Variants in PRKN observed in about 807,000 individuals in gnomAD.
PRKN encodes parkin RBR E3 ubiquitin protein ligase.
PRKN carries 56 observed loss-of-function variants against 59.5 expected under a neutral mutation model. That is an observed-to-expected ratio of 0.94 (90% CI 0.76 to 1.18). The LOEUF (loss-of-function observed/expected upper bound fraction) is 1.18, where lower values mean the gene tolerates loss of function less well. Among genes scored for constraint, PRKN ranks in the 50% most tolerant of loss-of-function variants. The pLI, the probability that PRKN is intolerant of heterozygous loss-of-function variation, is 0.00. For missense variants in PRKN, 657 were observed against 596.4 expected (o/e 1.10, Z -1.06); for synonymous variants, 250 against 222.1 (o/e 1.13, Z -1.12).
In PRKN at chr6:161,575,364, C is replaced by CACTGACAGCT. The variant is rs1395426028; in HGVS notation, c.872-5949_872-5948insAGCTGTCAGT. Among the ~76,000 whole-genome samples, 1 of 152,114 alleles carries CACTGACAGCT rather than the reference C, an allele frequency of 6.6e-6. No homozygotes were observed. The highest frequency in any genetic ancestry group is 1.5e-5 in the Non-Finnish European group (1 of 68,018). On this transcript the variant is annotated intron_variant, in intron 7 of 11. Transcript: ENST00000366898. This position sits in a 1 kb window ranked among gnomAD's most constrained non-coding sequence, Gnocchi z 4.6. ...GCGTCACAAAGTTGTGTAGCATTTCCACAAAGTCACTGACAGCTACTGAGA... is the reference window on the plus strand; with the variant it reads ...GCGTCACAAAGTTGTGTAGCATTTCCACTGACAGCTACAAAGTCACTGACAGCTACTGAGA...
In PRKN at chr6:162,513,324, C is replaced by T. The variant is rs182211184; in HGVS notation, c.8-69851G>A. Among the ~76,000 whole-genome samples the T allele has an allele frequency of 9.8e-3, 1,489 of 151,954 alleles. 66 individuals carry two copies. Among genetic ancestry groups the T allele is most frequent in the Admixed American group, 0.076 (1,154 of 15,234 alleles). ...TAAAACTTCACCTCTACTAAAAATA[C>T]AAAAACTAGCCAGGCATGGTGGTGG... is the stretch of plus-strand genomic sequence containing the variant. On this transcript the variant is annotated intron_variant, in intron 1 of 11. Coordinates refer to ENST00000366898, the MANE Select transcript of PRKN (RefSeq NM_004562.3).
chr6:162,151,641 C>A (rs1782274818), intron 4 of PRKN, among the ~76,000 whole-genome samples: 1 of 152,108 alleles, frequency 6.6e-6, no homozygotes, highest in Non-Finnish European at 1.5e-5. Context: ...TTTCCTTTTC[C>A]AAACACACAG....
At chr6:162,202,428 C>A (rs115936655) in intron 3 of PRKN, among the ~76,000 whole-genome samples, 30 of 152,136 alleles carry the variant, frequency 2.0e-4, no homozygotes, top group African/African-American at 7.0e-4. Context: ...TGAAGCACAA[C>A]AAAGATGTAA....
intron 1 of PRKN, among the ~76,000 whole-genome samples, chr6:162,534,902 C>T (rs771057335): frequency 6.6e-5 from 10 of 152,126 alleles, no homozygotes; most frequent in Non-Finnish European, 1.3e-4. Flanking sequence ...TCTGCCTTGA[C>T]CCCCTGCCTT....
chr6:162,367,091 C>T (rs773366684), intron 2 of PRKN, among the ~76,000 whole-genome samples: 1 of 152,026 alleles, frequency 6.6e-6, no homozygotes, highest in Non-Finnish European at 1.5e-5. Flanking sequence ...AGGCCAGTTA[C>T]CCCCATGCCT....
rs1018620680 is a variant in PRKN, at chr6:162,485,018, C to A, written c.8-41545G>T. ...ATAATCAGGAAAAACAAAGACAAAT[C>A]TCATCAGTAATTATTAATGTGAATG... On this transcript the variant is annotated intron_variant, in intron 1 of 11. Coordinates refer to ENST00000366898, the MANE Select transcript of PRKN (RefSeq NM_004562.3). Among the ~76,000 whole-genome samples the A allele has an allele frequency of 4.6e-5, 7 of 152,200 alleles. No homozygotes were observed. In the East Asian group the frequency reaches 1.3e-3, roughly 29 times the overall value.
intron 1 of PRKN, among the ~76,000 whole-genome samples, chr6:162,634,275 G>C (rs1777626409): frequency 6.6e-6 from 1 of 152,202 alleles, no homozygotes; most frequent in East Asian, 1.9e-4. Context: ...TTTTGGCTCT[G>C]TGGCCTCCTG....
At chr6:162,469,509 TA>T (rs1791618951) in intron 1 of PRKN, among the ~76,000 whole-genome samples, 2 of 148,928 alleles carry the variant, frequency 1.3e-5, no homozygotes, top group Non-Finnish European at 3.0e-5. Flanking sequence ...TGTGTGTGTA[TA>T]CACACACACA....
intron 1 of PRKN, among the ~76,000 whole-genome samples, chr6:162,640,807 C>A (rs563231267): frequency 6.6e-6 from 1 of 152,272 alleles, no homozygotes; most frequent in South Asian, 2.1e-4. Flanking sequence ...TGGTACAGGC[C>A]TTTCCACAGG....
chr6:162,503,955 T>C (rs1793495282), intron 1 of PRKN, among the ~76,000 whole-genome samples: 1 of 151,814 alleles, frequency 6.6e-6, no homozygotes, highest in African/African-American at 2.4e-5. Context: ...AAAGAGCACA[T>C]CAGAATTTTT....
chr6:162,369,869 G>A (rs1024618283), intron 2 of PRKN, among the ~76,000 whole-genome samples: 12 of 152,080 alleles, frequency 7.9e-5, no homozygotes, highest in Admixed American at 4.6e-4. Flanking sequence ...CAACCCTGAA[G>A]GTATCCTGCC....
At chr6:162,053,832 T>C (rs1777748752) in intron 5 of PRKN, among the ~76,000 whole-genome samples, 2 of 152,162 alleles carry the variant, frequency 1.3e-5, no homozygotes, top group Non-Finnish European at 2.9e-5. Flanking sequence ...GGATATAACT[T>C]TGCAATGAGT....
intron 6 of PRKN, among the ~76,000 whole-genome samples, chr6:161,917,383 G>T (rs2128238264): frequency 6.6e-6 from 1 of 152,272 alleles, no homozygotes; most frequent in Admixed American, 6.5e-5. Context: ...TGGGATTACA[G>T]GCATGAGCCA....
chr6:162,656,580 T>C (rs575497137), intron 1 of PRKN, among the ~76,000 whole-genome samples: 94 of 152,364 alleles, frequency 6.2e-4, no homozygotes, highest in Non-Finnish European at 1.2e-3. Context: ...GCACTGTCTC[T>C]GCCATAGCAC....
chr6:161,699,194 A>C (rs1270166945), intron 7 of PRKN, among the ~76,000 whole-genome samples: 2 of 152,100 alleles, frequency 1.3e-5, no homozygotes, highest in Non-Finnish European at 2.9e-5. Context: ...ATAAAACCAA[A>C]ATTTAAAACA....
At chr6:162,595,581 G>C (rs1458438539) in intron 1 of PRKN, among the ~76,000 whole-genome samples, 3 of 152,012 alleles carry the variant, frequency 2.0e-5, no homozygotes, top group Non-Finnish European at 4.4e-5. Context: ...TTGAGGTTTG[G>C]CTCTAACAAT....
rs9356010 is a variant in PRKN, at chr6:162,357,483, A to C, written c.171+85827T>G. On this transcript the variant is annotated intron_variant, in intron 2 of 11. Coordinates refer to ENST00000366898, the MANE Select transcript of PRKN (RefSeq NM_004562.3). ...TGATGGCTAAAATTCAGAACACTGA[A>C]AACAGCCAATGTCAGTGAGAATGTG... 7.8e-4 allele frequency among the ~76,000 whole-genome samples: 118 copies of C among 152,170 alleles called. 1 individual carries two copies. The highest frequency in any genetic ancestry group is 2.6e-3 in the African/African-American group (108 of 41,556).
At position 162,011,077 on chromosome 6, in the gene PRKN, TAATA is replaced by T. The variant is rs1240100411; in HGVS notation, c.619-37664_619-37661del. ...TATATTATAATATATAATATATTTA[TAATA>T]TATATTATAATATATAATATATTTA... On this transcript the variant is annotated intron_variant, in intron 5 of 11. Coordinates refer to ENST00000366898, the MANE Select transcript of PRKN (RefSeq NM_004562.3). Among the ~76,000 whole-genome samples the T allele has an allele frequency of 1.6e-4, 3 of 18,798 alleles. 1 individual carries two copies. Among genetic ancestry groups the T allele is most frequent in the Non-Finnish European group, 2.3e-4 (3 of 13,256 alleles). The allele number at this position is 18,798 out of a possible 152,430, so 12.3% of individuals were successfully genotyped here.
At chr6:161,822,442 AAGGC>A (rs1199669567) in intron 6 of PRKN, among the ~76,000 whole-genome samples, 25 of 152,156 alleles carry the variant, frequency 1.6e-4, no homozygotes, top group Admixed American at 5.2e-4. Flanking sequence ...TTAGGAAGCC[AAGGC>A]AGGCGGATCA....
Sources: gnomAD v4.1 joint callset for allele counts (sites outside exome capture counted in the v4.1 genomes callset) on GRCh38, gnomAD v4.1.1 for gene constraint, Gnocchi (gnomAD v3.1) non-coding constraint, MANE v1.5 for transcripts, NCBI Gene and HGNC (gene_info 2026-07-23, HGNC 2026-07-21) for gene names.